FAM13B: variants seen among roughly 807,000 people sequenced by gnomAD.
The protein encoded by FAM13B is family with sequence similarity 13 member B.
A neutral mutation model predicts 117.3 loss-of-function variants in FAM13B; 60 were observed. The ratio of observed to expected loss-of-function variants is 0.51; its 90% CI spans 0.42 to 0.63. The LOEUF is 0.63. FAM13B is among the 30% of genes least tolerant of loss of function. FAM13B has a pLI of 0.00. For synonymous variants in FAM13B, 332 were observed against 356.1 expected, an observed-to-expected ratio of 0.93 and a Z score of 0.76; for missense variants, 972 against 1,091.9, an observed-to-expected ratio of 0.89 and a Z score of 1.55.
At chr5:138,034,555 C>T (rs745792505), upstream of FAM13B, among the ~76,000 whole-genome samples, 3 of 152,164 alleles carry the variant, frequency 2.0e-5, no homozygotes, top group Non-Finnish European at 2.9e-5. Flanking sequence ...TCAATAAATT[C>T]ATATCATGGT....
upstream of FAM13B, among the ~76,000 whole-genome samples, chr5:138,035,569 A>T (rs1252042052): frequency 6.6e-6 from 1 of 152,186 alleles, no homozygotes; most frequent in South Asian, 2.1e-4. Flanking sequence ...CATGTACCTA[A>T]TTGAAAACTC....
intron 1 of FAM13B, among the ~76,000 whole-genome samples, chr5:138,048,265 G>A (rs1003693465): frequency 3.9e-5 from 6 of 152,274 alleles, no homozygotes; most frequent in South Asian, 4.2e-4. Flanking sequence ...CTAATACAAC[G>A]CCAAATGGCA....
At chr5:137,981,500 AG>A (rs1388160761) in intron 10 of FAM13B, among the ~76,000 whole-genome samples, 1 of 152,010 alleles carries the variant, frequency 6.6e-6, no homozygotes, top group Non-Finnish European at 1.5e-5. Context: ...TAAAGTGGGG[AG>A]GGGGCCAGGT....
chr5:137,962,624 A>T (rs1370412939), intron 10 of FAM13B, among the ~76,000 whole-genome samples, 155 bp from the exon 11 acceptor site: 1 of 152,202 alleles, frequency 6.6e-6, no homozygotes, highest in Non-Finnish European at 1.5e-5. Flanking sequence ...ATCTCTTTTT[A>T]CAGAGAGTAA....
intron 10 of FAM13B, among the ~76,000 whole-genome samples, chr5:137,968,801 C>G (rs918203516): frequency 6.6e-6 from 1 of 152,216 alleles, no homozygotes; most frequent in East Asian, 1.9e-4. Context: ...ACTCGGGAAG[C>G]GCAAGGGGTC....
intron 17 of FAM13B, 50 bp downstream of exon 17, chr5:137,952,577 AT>A (rs1765340202): frequency 8.5e-7 from 1 of 1,171,316 alleles, no homozygotes; most frequent in African/African-American, 1.6e-5. Context: ...AGACATTAAT[AT>A]AAAAAAATTT....
Position 138,011,782 on chromosome 5 carries a change from AC to A in FAM13B, c.533del (p.Gly178ValfsTer14), listed in dbSNP as rs1784092347. ...AAACAACTTACTGGAAGACATCTGG[AC>A]CAAAGACAGCAGCCAAAGAATTTGC... is the stretch of plus-strand genomic sequence containing the variant. ...WSANSLAAVF[G>X]PDVFHIYTDV... is the part of the protein sequence containing the mutation. On this transcript the variant is annotated frameshift_variant, in exon 5 of 24. Transcript: ENST00000689681. LOFTEE classifies it high-confidence loss of function. 1 of 1,610,946 alleles carries A rather than the reference AC, an allele frequency of 6.2e-7. No individual in the cohort carries two copies. Among genetic ancestry groups the A allele is most frequent in the Non-Finnish European group, 8.5e-7 (1 of 1,178,988 alleles).
rs144993600 is a variant in FAM13B at position 138,007,752 on chromosome 5, T to C, written c.691-605A>G. ...TATCTTGCTAGCAGGAGCTCTAAAA[T>C]GTCCTCCATTATGAAACTGGCTACG... On this transcript the variant is annotated intron_variant, in intron 6 of 23. Transcript: ENST00000689681. 5.6e-4 allele frequency among the ~76,000 whole-genome samples: 86 copies of C among 152,360 alleles called. No homozygotes were observed. The East Asian group carries it at 0.016, about 29-fold the overall frequency.
At chr5:137,994,254 C>T (rs536367181) in intron 7 of FAM13B, among the ~76,000 whole-genome samples, 1 of 151,642 alleles carries the variant, frequency 6.6e-6, no homozygotes, top group East Asian at 2.1e-4. Context: ...CCATAGTAAA[C>T]AAATCAAATA....
intron 9 of FAM13B, among the ~76,000 whole-genome samples, chr5:137,986,080 T>C (rs1777122669): frequency 6.6e-6 from 1 of 152,154 alleles, no homozygotes. Context: ...TACATGCTTT[T>C]TTTTTTAATG....
chr5:137,954,041 C>CTCTT, intron 15 of FAM13B, 125 bp downstream of exon 15: 2 of 388,204 alleles, frequency 5.2e-6, no homozygotes, highest in Non-Finnish European at 9.1e-6. Flanking sequence ...CAATCTCTCT[C>CTCTT]TTTTTTTTTT....
In FAM13B at chr5:137,988,256, T is replaced by C. The variant is rs1777726821; in HGVS notation, c.890+18A>G. The C allele has an allele frequency of 6.6e-7, 1 of 1,526,232 alleles. No individual in the cohort carries two copies. The highest frequency in any genetic ancestry group is 2.5e-5 in the Admixed American group (1 of 40,348). 94.5% of individuals were successfully genotyped at this position (1,526,232 alleles called of 1,614,324 possible). Reference sequence around the variant, plus strand: ...TTTAAAATCTTAAAAATTTGTCTTCTATAAATATACTACTTACTCTGTAGA... The same window carrying C: ...TTTAAAATCTTAAAAATTTGTCTTCCATAAATATACTACTTACTCTGTAGA... On this transcript the variant is annotated intron_variant, in intron 8 of 23. Coordinates refer to ENST00000689681, the MANE Select transcript of FAM13B (RefSeq NM_001385994.1).
chr5:137,982,796 C>G (rs1776140880), intron 10 of FAM13B, among the ~76,000 whole-genome samples: 2 of 152,144 alleles, frequency 1.3e-5, no homozygotes. Flanking sequence ...TCATGTAAAA[C>G]TTACATTAAA....
chr5:138,036,025 A>G (rs1278736664), upstream of FAM13B, among the ~76,000 whole-genome samples: 1 of 152,162 alleles, frequency 6.6e-6, no homozygotes, highest in African/African-American at 2.4e-5. Context: ...AAACCTGGGC[A>G]TCTCTGTAAA....
At chr5:137,983,176 T>TTAAAAAAA (rs1776254227) in intron 10 of FAM13B, among the ~76,000 whole-genome samples, 1 of 75,118 alleles carries the variant, frequency 1.3e-5, no homozygotes, top group African/African-American at 5.7e-5. Flanking sequence ...CCAGTGTAGG[T>TTAAAAAAA]AAAAAAAAAA....
chr5:137,950,253 G>A (rs1244754869), intron 17 of FAM13B, among the ~76,000 whole-genome samples: 1 of 152,012 alleles, frequency 6.6e-6, no homozygotes, highest in East Asian at 1.9e-4. Context: ...CATTGGACGG[G>A]ATTGACAAAG....
At chr5:138,012,216 C>CTTTTTTTTTT (rs36054299) in intron 4 of FAM13B, among the ~76,000 whole-genome samples, 1 of 121,758 alleles carries the variant, frequency 8.2e-6, no homozygotes, top group African/African-American at 3.0e-5. Context: ...CCCCAATTCT[C>CTTTTTTTTTT]TTTTTTTTTT....
At chr5:137,993,589 G>A (rs934688453) in intron 7 of FAM13B, among the ~76,000 whole-genome samples, 2 of 151,420 alleles carry the variant, frequency 1.3e-5, no homozygotes, top group Non-Finnish European at 2.9e-5. Flanking sequence ...GAGAGCAGCC[G>A]GGCCTACAAG....
At chr5:137,946,437 A>G in intron 18 of FAM13B, 126 bp from the exon 19 acceptor site, 1 of 633,686 alleles carries the variant, frequency 1.6e-6, no homozygotes, top group Non-Finnish European at 2.7e-6. Context: ...AGGGCAGACG[A>G]TCAACAGTCT....
Sources: allele counts gnomAD v4.1 joint callset (sites outside exome capture counted in the v4.1 genomes callset), GRCh38; gene constraint gnomAD v4.1.1; transcripts MANE v1.5; gene names NCBI Gene and HGNC (gene_info 2026-07-23, HGNC 2026-07-21).